The following CDH23 variants were observed in gnomAD, a reference collection of about 807,000 sequenced individuals.
The protein encoded by CDH23 is cadherin-23.
In CDH23, 189 loss-of-function variants were observed where a neutral mutation model predicts 317.1. That is an observed-to-expected ratio of 0.60 (90% confidence interval 0.53 to 0.67). The LOEUF (loss-of-function observed/expected upper bound fraction) is 0.67. Ranked by LOEUF, CDH23 falls within the 30% of genes least tolerant of loss-of-function variation. The pLI is 0.00. For synonymous variants in CDH23, 1,839 were observed against 1,876.8 expected (o/e 0.98, Z 0.52); for missense variants, 4,401 against 4,592.4 (o/e 0.96, Z 1.20).
At chr10:71,500,988 G>A (rs1853299584) in intron 3 of CDH23, among the ~76,000 whole-genome samples, 1 of 151,944 alleles carries the variant, frequency 6.6e-6, no homozygotes, top group Non-Finnish European at 1.5e-5. Context: ...TCCTGCCTCA[G>A]CCTCGAGTAG....
intron 14 of CDH23, among the ~76,000 whole-genome samples, chr10:71,659,940 C>CT (rs1165698187): frequency 2.1e-5 from 3 of 140,716 alleles, no homozygotes; most frequent in Admixed American, 7.1e-5. Context: ...TGTTTCTTTT[C>CT]TTTTCTTTTC....
At chr10:71,410,015 C>G (rs1848278595) in intron 1 of CDH23, among the ~76,000 whole-genome samples, 2 of 152,196 alleles carry the variant, frequency 1.3e-5, no homozygotes, top group Non-Finnish European at 2.9e-5. Context: ...TGGAGCCAGA[C>G]CACCCAGGTT....
intron 27 of CDH23, among the ~76,000 whole-genome samples, chr10:71,709,827 A>T (rs1378917640): frequency 6.6e-6 from 1 of 152,080 alleles, no homozygotes; most frequent in African/African-American, 2.4e-5. Flanking sequence ...TTATACAGGA[A>T]AAAGGGTTTA....
intron 48 of CDH23, 26 bp downstream of exon 48, chr10:71,793,666 C>T: frequency 6.7e-7 from 1 of 1,494,988 alleles, no homozygotes; most frequent in South Asian, 1.3e-5. Context: ...CCCCTCCCAC[C>T]TCCCTCCCAG....
At chr10:71,534,083 G>A (rs779772521) in intron 6 of CDH23, among the ~76,000 whole-genome samples, 2 of 152,008 alleles carry the variant, frequency 1.3e-5, no homozygotes, top group Non-Finnish European at 2.9e-5. Context: ...GTCCCTCAGG[G>A]CACTGCTGCA....
chr10:71,793,727 C>G, intron 48 of CDH23, 87 bp downstream of exon 48: 1 of 1,018,346 alleles, frequency 9.8e-7, no homozygotes, highest in South Asian at 1.7e-5. Context: ...TCTCCTTTCT[C>G]TTTCTTTGCT....
chr10:71,432,288 G>GTA (rs769563903), intron 1 of CDH23, among the ~76,000 whole-genome samples: 76 of 43,646 alleles, frequency 1.7e-3, no homozygotes, highest in Non-Finnish European at 2.5e-3. Context: ...GTGTTTGAGA[G>GTA]TGTGTGTGTG....
At chr10:71,770,540 C>T (rs1840662644) in intron 38 of CDH23, among the ~76,000 whole-genome samples, 1 of 152,330 alleles carries the variant, frequency 6.6e-6, no homozygotes, top group South Asian at 2.1e-4. Context: ...AGTGCTGATC[C>T]CTGGCCCACC....
chr10:71,700,842 T>C (rs557719462), intron 22 of CDH23, among the ~76,000 whole-genome samples: 2 of 152,290 alleles, frequency 1.3e-5, no homozygotes, highest in Non-Finnish European at 2.9e-5. Context: ...GGGCAGCTCA[T>C]CTGTCTGTTC....
intron 32 of CDH23, chr10:71,732,805 G>C (rs891488897): frequency 4.0e-6 from 3 of 747,436 alleles, no homozygotes; most frequent in Non-Finnish European, 5.0e-6. Flanking sequence ...GTGTGTGTGG[G>C]GTTTTCCCCC....
chr10:71,623,283 C>G (rs553955924), intron 11 of CDH23, among the ~76,000 whole-genome samples: 3 of 152,232 alleles, frequency 2.0e-5, no homozygotes, highest in African/African-American at 7.2e-5. Context: ...CCATGCAGAG[C>G]TGTGGAGGCA....
At chr10:71,579,525 G>C (rs1858479530) in intron 9 of CDH23, among the ~76,000 whole-genome samples, 1 of 152,170 alleles carries the variant, frequency 6.6e-6, no homozygotes, top group Admixed American at 6.5e-5. Context: ...ATCTCCCGGG[G>C]CTCCTACCAA....
chr10:71,479,543 C>A (rs1453109361), intron 3 of CDH23, among the ~76,000 whole-genome samples: 1 of 152,144 alleles, frequency 6.6e-6, no homozygotes, highest in Non-Finnish European at 1.5e-5. Flanking sequence ...GCTTCCTGCT[C>A]CTGCTAATGC....
chr10:71,588,855 G>T (rs918864280), intron 9 of CDH23, among the ~76,000 whole-genome samples: 2 of 152,164 alleles, frequency 1.3e-5, no homozygotes, highest in African/African-American at 4.8e-5. Context: ...ACCCTCTCTA[G>T]CCCCTGAAAT....
chr10:71,499,108 A>G (rs1589138185), intron 3 of CDH23, among the ~76,000 whole-genome samples: 1 of 152,318 alleles, frequency 6.6e-6, no homozygotes, highest in Middle Eastern at 3.4e-3. Context: ...AGCCACATAG[A>G]TGGAATTGAA....
chr10:71,730,686 T>G (rs867770460), intron 31 of CDH23, 82 bp downstream of exon 31: 1 of 1,565,146 alleles, frequency 6.4e-7, no homozygotes, highest in Middle Eastern at 2.0e-4. Context: ...TTCGAAACGG[T>G]CATCCCTGAT....
chr10:71,688,300 A>C (rs149671620), intron 19 of CDH23, among the ~76,000 whole-genome samples: 7 of 152,374 alleles, frequency 4.6e-5, no homozygotes, highest in African/African-American at 1.7e-4. Flanking sequence ...ATCCTAGCAA[A>C]GAAAACGCCC....
At chr10:71,745,449 C>G (rs560355154) in intron 38 of CDH23, among the ~76,000 whole-genome samples, 32 of 152,280 alleles carry the variant, frequency 2.1e-4, no homozygotes, top group Non-Finnish European at 2.5e-4. Flanking sequence ...ATTTCCATAT[C>G]CTCCCGGGAC....
At chr10:71,566,115 G>A (rs367963858) in intron 6 of CDH23, among the ~76,000 whole-genome samples, 6 of 152,192 alleles carry the variant, frequency 3.9e-5, no homozygotes, top group South Asian at 4.1e-4. Flanking sequence ...GGGGAGTCAC[G>A]GATGGTGAGG....
Sources: gnomAD v4.1 joint callset for allele counts (sites outside exome capture counted in the v4.1 genomes callset) on GRCh38, gnomAD v4.1.1 for gene constraint, MANE v1.5 for transcripts, NCBI Gene and HGNC (gene_info 2026-07-23, HGNC 2026-07-21) for gene names.